Variants in CORO6 observed in about 807,000 individuals in gnomAD.
The protein encoded by CORO6 is coronin-6.
CORO6 carries 43 observed loss-of-function variants against 49.0 expected under a neutral mutation model. The observed-to-expected ratio is 0.88, with a 90% CI of 0.69 to 1.13. The LOEUF is 1.13. Ranked by LOEUF, CORO6 falls within the 50% of genes most tolerant of loss-of-function variation. The pLI, the probability that CORO6 is intolerant of heterozygous loss-of-function variation, is 0.00. For missense variants in CORO6, 650 were observed against 647.0 expected (o/e 1.00, Z -0.05); for synonymous variants, 233 against 256.5 (o/e 0.91, Z 0.88).
At chr17:29,619,809 C>T in intron 2 of CORO6, 36 bp from the exon 3 acceptor site, 1 of 1,590,390 alleles carries the variant, frequency 6.3e-7, no homozygotes, top group South Asian at 1.1e-5. Context: ...GGGCTACTCT[C>T]CTGTGTGTTT....
chr17:29,616,449 G>T lies in CORO6; in HGVS notation c.1005-113C>A. On this transcript the variant is annotated intron_variant, in intron 8 of 10. Transcript: ENST00000388767. This position sits in a 1 kb window ranked among gnomAD's most constrained non-coding sequence, Gnocchi z 5.6. The stretch of plus-strand genomic sequence containing the variant: ...TTGCTCAGCGCCTACCATGCATATT[G>T]CACATTACACACATTATTGGTTCTG... 1.9e-6 allele frequency: 2 copies of T among 1,035,758 alleles called. No homozygotes were observed. Among genetic ancestry groups the T allele is most frequent in the East Asian group, 2.6e-5 (1 of 38,696 alleles). 64.2% of individuals were successfully genotyped at this position (1,035,758 alleles called of 1,614,324 possible). A position where few individuals can be genotyped will look rare whatever the true frequency, so the allele number is the denominator to read the frequency against.
At chr17:29,619,619 C>A in intron 3 of CORO6, 32 bp downstream of exon 3, 1 of 1,609,148 alleles carries the variant, frequency 6.2e-7, no homozygotes, top group South Asian at 1.1e-5. Context: ...CTCCCCTGCT[C>A]AACTGCCCAG....
rs767851479 is a variant in CORO6, at chr17:29,617,572, G to A, written c.681C>T (p.Phe227=). 6.2e-7 allele frequency: 1 copy of A among 1,608,586 alleles called. No individual in the cohort carries two copies. Among genetic ancestry groups the A allele is most frequent in the Non-Finnish European group, 8.5e-7 (1 of 1,178,572 alleles). ...TGGTGAAGATATGGCCCTGGCGCGT[G>A]AAGACGGCCCGCATGGGCCTCATCC... is the stretch of plus-strand genomic sequence containing the variant. The part of the protein sequence containing the change: ...HEGMRPMRAV[F]TRQGHIFTTG... The change falls in exon 6 of 11, where the codon TTC becomes TTT. Residue 227 remains phenylalanine, a synonymous_variant. Coordinates refer to ENST00000388767, the MANE Select transcript of CORO6 (RefSeq NM_032854.4).
chr17:29,622,703 C>T lies in CORO6; in HGVS notation c.-79G>A, dbSNP rs1183305810. Reference sequence around the variant, plus strand: ...GGCTGGGTACCTGGTCCTGAGCGGGCTGCGGGGCGCTCACGCTGCGAATCC... The same window carrying T: ...GGCTGGGTACCTGGTCCTGAGCGGGTTGCGGGGCGCTCACGCTGCGAATCC... On this transcript the variant is annotated 5_prime_UTR_variant, in exon 1 of 11. Coordinates refer to ENST00000388767, the MANE Select transcript of CORO6 (RefSeq NM_032854.4). 1.6e-6 allele frequency: 2 copies of T among 1,277,600 alleles called. No homozygotes were observed. The highest frequency in any genetic ancestry group is 1.3e-5 in the South Asian group (1 of 76,484). The allele number at this position is 1,277,600 out of a possible 1,614,324, so 79.1% of individuals were successfully genotyped here. A position where few individuals can be genotyped will look rare whatever the true frequency, so the allele number is the denominator to read the frequency against.
chr17:29,620,688 G>A (rs547822831), intron 2 of CORO6, among the ~76,000 whole-genome samples: 1 of 152,228 alleles, frequency 6.6e-6, no homozygotes, highest in East Asian at 1.9e-4. Context: ...GGTAGGGAGG[G>A]CTCTGGCTTT....
intron 1 of CORO6, 141 bp downstream of exon 1, chr17:29,622,547 C>G (rs938437907): frequency 5.9e-6 from 2 of 340,916 alleles, no homozygotes; most frequent in Non-Finnish European, 1.0e-5. Context: ...TGGCTGCTGT[C>G]CGGCCAAATA....
rs1012657713 is a variant in CORO6, at chr17:29,616,230, G to A, written c.1062+49C>T. Reference sequence around the variant, plus strand: ...CGTGAGAGGGTGCGGGGCTTGCTCCGCTCCCTTCCGCCTCGTAGCCCTGCC... The same window carrying A: ...CGTGAGAGGGTGCGGGGCTTGCTCCACTCCCTTCCGCCTCGTAGCCCTGCC... On this transcript the variant is annotated intron_variant, in intron 9 of 10. Transcript: ENST00000388767. The surrounding 1 kb of genome is among the most constrained non-coding windows in gnomAD (Gnocchi z 5.6). 3.1e-6 allele frequency: 5 copies of A among 1,609,336 alleles called. No homozygotes were observed. The highest frequency in any genetic ancestry group is 2.7e-5 in the African/African-American group (2 of 74,868).
At chr17:29,618,194 CGCCCCGGCGCCA>C in intron 5 of CORO6, 1 of 1,334,954 alleles carries the variant, frequency 7.5e-7, no homozygotes, top group Non-Finnish European at 9.6e-7. Flanking sequence ...TGGGTTAGAG[CGCCCCGGCGCCA>C]GCCCCGACCG....
chr17:29,617,232 G>A (rs772998862), intron 6 of CORO6, 190 bp from the exon 7 acceptor site: 1 of 1,536,132 alleles, frequency 6.5e-7, no homozygotes, highest in Middle Eastern at 1.7e-4. Context: ...CTCCTCCCCT[G>A]CACATATACC....
chr17:29,616,319 T>C lies in CORO6; in HGVS notation c.1022A>G (p.Glu341Gly), dbSNP rs776924661. ...CEIARFYKLH[E>G]RKCEPIIMTV... Reference sequence around the variant, plus strand: ...CATGATGATAGGTTCACACTTTCTTTCGTGTAGCTTGTAGAACCTATAAGG... The same window carrying C: ...CATGATGATAGGTTCACACTTTCTTCCGTGTAGCTTGTAGAACCTATAAGG... Residue 341 changes from glutamate to glycine, a missense_variant, in exon 9 of 11, where the codon GAA becomes GGA. Transcript: ENST00000388767. The surrounding 1 kb of genome is among the most constrained non-coding windows in gnomAD (Gnocchi z 5.6). 5.6e-6 allele frequency: 9 copies of C among 1,608,272 alleles called. No individual in the cohort carries two copies. Among genetic ancestry groups the C allele is most frequent in the Non-Finnish European group, 5.9e-6 (7 of 1,177,082 alleles).
chr17:29,618,204 C>T, intron 5 of CORO6: 1 of 1,328,048 alleles, frequency 7.5e-7, no homozygotes, highest in African/African-American at 1.5e-5. Context: ...CGCCCCGGCG[C>T]CAGCCCCGAC....
chr17:29,619,163 G>A lies in CORO6; in HGVS notation c.348C>T (p.Pro116=). Residue 116 remains proline, a synonymous_variant, in exon 4 of 11, where the codon CCC becomes CCT. Coordinates refer to ENST00000388767, the MANE Select transcript of CORO6 (RefSeq NM_032854.4). ...TGATAGGTTCCGTAATGTTGCGCAT[G>A]GGGGTATAGTCTGGAATCTGCCACA... ...IMVWQIPDYT[P]MRNITEPIIT... The A allele has an allele frequency of 3.7e-6, 6 of 1,613,648 alleles. No homozygotes were observed. The highest frequency in any genetic ancestry group is 4.2e-6 in the Non-Finnish European group (5 of 1,179,902).
rs764942619 is a variant in CORO6, at chr17:29,621,256, C to T, written c.166G>A (p.Gly56Arg). 1.5e-5 allele frequency: 24 copies of T among 1,614,020 alleles called. No homozygotes were observed. Among genetic ancestry groups the T allele is most frequent in the Non-Finnish European group, 1.9e-5 (22 of 1,180,034 alleles). ...AGAGGCAGGACGATGAAGGCACCCC[C>T]GCCTCCAGCCTCCACAATAATGGCC... ...FLAIIVEAGG[G>R]GAFIVLPLAK... The change falls in exon 2 of 11, where the codon GGG (glycine) becomes AGG (arginine). Residue 56 changes from glycine (G) to arginine (R), a missense_variant. Physicochemically the swap from Gly to Arg is moderately radical, Grantham distance 125. Coordinates refer to ENST00000388767, the MANE Select transcript of CORO6 (RefSeq NM_032854.4). The surrounding 1 kb of genome is among the most constrained non-coding windows in gnomAD (Gnocchi z 4.2).
At position 29,616,160 on chromosome 17, in the gene CORO6, C is replaced by A; in HGVS notation, c.1078G>T (p.Asp360Tyr). Residue 360 changes from aspartate (D) to tyrosine (Y), a missense_variant, in exon 10 of 11, where the codon GAC (aspartate) becomes TAC (tyrosine). Asp to Tyr is a radical substitution (Grantham distance 160). Transcript: ENST00000388767. The surrounding 1 kb of genome is among the most constrained non-coding windows in gnomAD (Gnocchi z 5.6). ...CCTGGCGTATCCGGGTACAGATCGT[C>A]CTGGAAGAGGTCTGACTGCGGGGGT... ...TVPRKSDLFQ[D>Y]DLYPDTPGPE... 1 of 1,613,312 alleles carries A rather than the reference C, an allele frequency of 6.2e-7. No individual in the cohort carries two copies. The highest frequency in any genetic ancestry group is 2.2e-5 in the East Asian group (1 of 44,860).
In CORO6 at chr17:29,615,810, G is replaced by T; in HGVS notation, c.1341C>A (p.Arg447=). The T allele has an allele frequency of 6.4e-7, 1 of 1,572,152 alleles. No homozygotes were observed. The highest frequency in any genetic ancestry group is 8.6e-7 in the Non-Finnish European group (1 of 1,159,974). ...GCTGCTCCTGGGCCTGCACCCGCTCGCGGAGGGCCTTGATCTCTTCCAGCA... is the reference window on the plus strand; with the variant it reads ...GCTGCTCCTGGGCCTGCACCCGCTCTCGGAGGGCCTTGATCTCTTCCAGCA... The part of the protein sequence containing the change: ...ETLLEEIKAL[R]ERVQAQEQRI... The change falls in exon 11 of 11, where the codon CGC becomes CGA. Residue 447 remains arginine (R), a synonymous_variant. Coordinates refer to ENST00000388767, the MANE Select transcript of CORO6 (RefSeq NM_032854.4).
At chr17:29,618,183 G>A in intron 5 of CORO6, 1 of 1,351,932 alleles carries the variant, frequency 7.4e-7, no homozygotes, top group South Asian at 1.8e-5. Context: ...CGCCGGGTTA[G>A]TGGGTTAGAG....
chr17:29,615,770 C>G lies in CORO6; in HGVS notation c.1381G>C (p.Glu461Gln), dbSNP rs2034834120. 3 of 1,553,320 alleles carry G rather than the reference C, an allele frequency of 1.9e-6. No individual in the cohort carries two copies. Among genetic ancestry groups the G allele is most frequent in the Non-Finnish European group, 2.6e-6 (3 of 1,149,364 alleles). ...TCCACCAGCTCGCACAGCATGTTCT[C>G]CAGAGCCGTGATGCGCTGCTCCTGG... ...QAQEQRITAL[E>Q]NMLCELVDGT... The change falls in exon 11 of 11, where the codon GAG becomes CAG. Residue 461 changes from glutamate to glutamine, a missense_variant. Glu to Gln is a conservative substitution (Grantham distance 29). Transcript: ENST00000388767.
At position 29,618,883 on chromosome 17, in the gene CORO6, A is replaced by AC. The variant is rs764577758; in HGVS notation, c.539dup (p.Ser180ArgfsTer9). 1 of 1,613,848 alleles carries AC rather than the reference A, an allele frequency of 6.2e-7. No homozygotes were observed. The highest frequency in any genetic ancestry group is 1.3e-5 in the African/African-American group (1 of 74,960). On this transcript the variant is annotated frameshift_variant, in exon 5 of 11. Transcript: ENST00000388767. LOFTEE classifies it high-confidence loss of function. ...GGCTACCGTTGCTGTTCCAGCACAC[A>AC]CTGTGGATGACGTCTGGGTGCATAT...
In CORO6 at chr17:29,621,059, G is replaced by A. The variant is rs2035284242; in HGVS notation, c.198+165C>T. Among the ~76,000 whole-genome samples, 1 of 152,096 alleles carries A rather than the reference G, an allele frequency of 6.6e-6. No individual in the cohort carries two copies. The highest frequency in any genetic ancestry group is 1.5e-5 in the Non-Finnish European group (1 of 67,998). On this transcript the variant is annotated intron_variant, in intron 2 of 10. Coordinates refer to ENST00000388767, the MANE Select transcript of CORO6 (RefSeq NM_032854.4). This position sits in a 1 kb window ranked among gnomAD's most constrained non-coding sequence, Gnocchi z 4.2. ...CACCCTGATGTTAGGGTGGGGTGGG[G>A]TGGCCTCCCCTCTGGTCCTTGAGGG...
Sources: allele counts gnomAD v4.1 joint callset (sites outside exome capture counted in the v4.1 genomes callset), GRCh38; gene constraint gnomAD v4.1.1; non-coding constraint Gnocchi (gnomAD v3.1); transcripts MANE v1.5; gene names NCBI Gene and HGNC (gene_info 2026-07-23, HGNC 2026-07-21).